Variants in CHRNB3 observed in about 807,000 individuals in gnomAD.
CHRNB3 encodes cholinergic receptor nicotinic beta 3 subunit, also known as neuronal acetylcholine receptor subunit beta-3.
A neutral mutation model predicts 40.6 loss-of-function variants in CHRNB3; 37 were observed. The observed-to-expected ratio is 0.91, with a 90% confidence interval of 0.70 to 1.20. The LOEUF (loss-of-function observed/expected upper bound fraction) is 1.20. Ranked by LOEUF, CHRNB3 falls within the 50% of genes most tolerant of loss-of-function variation. CHRNB3 has a pLI of 0.00. For synonymous variants in CHRNB3, 207 were observed against 207.1 expected (o/e 1.00, Z 0.00); for missense variants, 505 against 551.2 (o/e 0.92, Z 0.84).
chr8:42,729,304 G>C (rs13282928), intron 3 of CHRNB3, among the ~76,000 whole-genome samples: 1 of 152,022 alleles, frequency 6.6e-6, no homozygotes, highest in Non-Finnish European at 1.5e-5. Context: ...CAGCTACTCA[G>C]GAGGCTGAGG....
chr8:42,703,451 T>A (rs1276763428), intron 1 of CHRNB3, among the ~76,000 whole-genome samples: 1 of 108,904 alleles, frequency 9.2e-6, no homozygotes, highest in Admixed American at 1.0e-4. Context: ...TATATATATA[T>A]ATATATATAT....
intron 3 of CHRNB3, among the ~76,000 whole-genome samples, chr8:42,718,122 G>A (rs1438570004): frequency 6.6e-6 from 1 of 152,000 alleles, no homozygotes; most frequent in Non-Finnish European, 1.5e-5. Context: ...GAGCCACCAC[G>A]CCTGGCCTTC....
intron 3 of CHRNB3, among the ~76,000 whole-genome samples, chr8:42,720,510 C>T (rs954126138): frequency 1.9e-4 from 29 of 152,144 alleles, no homozygotes; most frequent in African/African-American, 6.3e-4. Flanking sequence ...CATACCCAAA[C>T]TGTCTCCTTT....
intron 1 of CHRNB3, among the ~76,000 whole-genome samples, chr8:42,702,895 G>A (rs1395653519): frequency 1.3e-5 from 2 of 152,168 alleles, no homozygotes; most frequent in African/African-American, 4.8e-5. Context: ...ATATCGAATT[G>A]AATTTTTGCA....
chr8:42,730,723 T>C lies in CHRNB3; in HGVS notation c.359+20T>C, dbSNP rs1816395968. On this transcript the variant is annotated intron_variant, in intron 4 of 5. Transcript: ENST00000289957. ...TGAAAAGTAAGTATCACATTGTTTC[T>C]TACTTATGGGGAAAAAAATAAATTT... 11 of 1,473,204 alleles carry C rather than the reference T, an allele frequency of 7.5e-6. No individual in the cohort carries two copies. Among genetic ancestry groups the C allele is most frequent in the East Asian group, 4.6e-5 (2 of 43,808 alleles). 91.3% of individuals were successfully genotyped at this position (1,473,204 alleles called of 1,614,324 possible). A position where few individuals can be genotyped will look rare whatever the true frequency, so the allele number is the denominator to read the frequency against.
chr8:42,733,133 C>T (rs1816458216), intron 5 of CHRNB3, among the ~76,000 whole-genome samples: 1 of 151,612 alleles, frequency 6.6e-6, no homozygotes, highest in Non-Finnish European at 1.5e-5. Flanking sequence ...AGATCGAGAC[C>T]AGCCTGGACA....
At chr8:42,735,773 G>A (rs1816513801) in intron 5 of CHRNB3, among the ~76,000 whole-genome samples, 1 of 152,006 alleles carries the variant, frequency 6.6e-6, no homozygotes, top group Non-Finnish European at 1.5e-5. Flanking sequence ...TCTTGTCCTG[G>A]TCGGTTCTTC....
intron 1 of CHRNB3, among the ~76,000 whole-genome samples, chr8:42,704,033 T>C (rs954120560): frequency 6.6e-6 from 1 of 152,212 alleles, no homozygotes; most frequent in Non-Finnish European, 1.5e-5. Flanking sequence ...CAGAACAGAT[T>C]TGCATTAGTC....
At chr8:42,724,214 AC>A (rs908927516) in intron 3 of CHRNB3, among the ~76,000 whole-genome samples, 6 of 152,056 alleles carry the variant, frequency 3.9e-5, no homozygotes, top group African/African-American at 1.5e-4. Context: ...GACCAACATG[AC>A]AAAACCCCAA....
chr8:42,718,686 A>C (rs926665490), intron 3 of CHRNB3, among the ~76,000 whole-genome samples: 8,498 of 150,906 alleles, frequency 0.056, 468 homozygotes, highest in Middle Eastern at 0.11. Flanking sequence ...AAAAAAAAAA[A>C]AAAAAAAAAA....
intron 3 of CHRNB3, chr8:42,726,145 G>A: frequency 7.4e-7 from 1 of 1,359,836 alleles, no homozygotes; most frequent in South Asian, 1.2e-5. Flanking sequence ...TTGCCTGGGT[G>A]GCTTTGAGGG....
chr8:42,703,435 A>AAAAAAAAAAATATAAATATATAT, intron 1 of CHRNB3, among the ~76,000 whole-genome samples: 1 of 47,400 alleles, frequency 2.1e-5, no homozygotes, highest in Non-Finnish European at 4.6e-5. Context: ...AAAAAAAAAA[A>AAAAAAAAAAATATAAATATATAT]ATATTTATAT....
At position 42,713,050 on chromosome 8, in the gene CHRNB3, C is replaced by T. The variant is rs183383788; in HGVS notation, c.249+2616C>T. Among the ~76,000 whole-genome samples, 397 of 151,736 alleles carry T rather than the reference C, an allele frequency of 2.6e-3. 1 individual carries two copies. The highest frequency in any genetic ancestry group is 2.9e-3 in the Non-Finnish European group (198 of 67,910). ...CTAATTTTTGTATTTTTAGTAGAGA[C>T]GGGGTTTCAGCATGTTGGCCAGGCT... On this transcript the variant is annotated intron_variant, in intron 3 of 5. Transcript: ENST00000289957.
At chr8:42,707,497 G>C (rs1433792738) in intron 1 of CHRNB3, among the ~76,000 whole-genome samples, 1 of 152,224 alleles carries the variant, frequency 6.6e-6, no homozygotes, top group Non-Finnish European at 1.5e-5. Flanking sequence ...TAATGGGACT[G>C]CACCTGTGAA....
At chr8:42,702,172 C>T (rs1449990935) in intron 1 of CHRNB3, among the ~76,000 whole-genome samples, 4 of 152,182 alleles carry the variant, frequency 2.6e-5, no homozygotes, top group Non-Finnish European at 4.4e-5. Flanking sequence ...GCCAAGTGCA[C>T]GCCATCCCTG....
chr8:42,699,565 C>G (rs1018585843), intron 1 of CHRNB3: 2 of 152,196 alleles, frequency 1.3e-5, no homozygotes, highest in Non-Finnish European at 1.5e-5. Context: ...TTGAGGCCAG[C>G]CTGACCAACA....
chr8:42,702,938 G>A (rs888987082), intron 1 of CHRNB3, among the ~76,000 whole-genome samples: 16 of 152,186 alleles, frequency 1.1e-4, no homozygotes, highest in Admixed American at 1.0e-3. Context: ...GCCGCCAGAA[G>A]ACCACGCAGG....
intron 3 of CHRNB3, chr8:42,725,738 T>C: frequency 1.1e-6 from 1 of 921,972 alleles, no homozygotes; most frequent in Non-Finnish European, 1.8e-6. Context: ...GTCAGAGGGA[T>C]GGTCTTATTC....
At chr8:42,720,886 C>T (rs1345911528) in intron 3 of CHRNB3, among the ~76,000 whole-genome samples, 1 of 152,204 alleles carries the variant, frequency 6.6e-6, no homozygotes, top group African/African-American at 2.4e-5. Flanking sequence ...ATCCCCCATC[C>T]TCCTTTGCAG....
Sources: allele counts gnomAD v4.1 joint callset (sites outside exome capture counted in the v4.1 genomes callset), GRCh38; gene constraint gnomAD v4.1.1; transcripts MANE v1.5; gene names NCBI Gene and HGNC (gene_info 2026-07-23, HGNC 2026-07-21).